The following FUT8 variants were observed in gnomAD, a reference collection of about 807,000 sequenced individuals.
The protein encoded by FUT8 is fucosyltransferase 8.
A neutral mutation model predicts 71.3 loss-of-function variants in FUT8; 29 were observed. The observed-to-expected ratio is 0.41, with a 90% CI of 0.30 to 0.55. The LOEUF (loss-of-function observed/expected upper bound fraction) is 0.55. FUT8 is among the 20% of genes least tolerant of loss of function. The pLI is 0.34. For missense variants in FUT8, 544 were observed against 702.1 expected (o/e 0.77, Z 2.55); for synonymous variants, 254 against 239.3 (o/e 1.06, Z -0.57).
At chr14:65,686,412 A>C (rs1175313593) in intron 7 of FUT8, among the ~76,000 whole-genome samples, 1 of 152,232 alleles carries the variant, frequency 6.6e-6, no homozygotes, top group Non-Finnish European at 1.5e-5. Flanking sequence ...GTATGAAATA[A>C]ATCTCTGCTG....
At chr14:65,496,815 A>C (rs1288496908) in intron 2 of FUT8, among the ~76,000 whole-genome samples, 1 of 151,854 alleles carries the variant, frequency 6.6e-6, no homozygotes, top group Admixed American at 6.6e-5. Context: ...ATGGCTGTGG[A>C]GTGGTTTTGT....
At chr14:65,651,978 T>C (rs544338874) in intron 6 of FUT8, among the ~76,000 whole-genome samples, 37 of 152,146 alleles carry the variant, frequency 2.4e-4, no homozygotes, top group African/African-American at 4.8e-4. Flanking sequence ...AAGAACATAT[T>C]TGAAGAACAG....
At chr14:65,623,108 C>G (rs1381758752) in intron 5 of FUT8, among the ~76,000 whole-genome samples, 1 of 152,018 alleles carries the variant, frequency 6.6e-6, no homozygotes, top group African/African-American at 2.4e-5. Context: ...CCAACTCGGT[C>G]TTGAACTCCT....
At chr14:65,446,762 G>T (rs1269733909) in intron 1 of FUT8, among the ~76,000 whole-genome samples, 3 of 131,138 alleles carry the variant, frequency 2.3e-5, no homozygotes, top group Admixed American at 1.7e-4. Flanking sequence ...TTACATCTTT[G>T]ACCAGTGGGA....
Position 65,707,222 on chromosome 14 carries a change from C to G in FUT8, c.836-14553C>G, listed in dbSNP as rs138223127. Among the ~76,000 whole-genome samples, 764 of 152,238 alleles carry G rather than the reference C, an allele frequency of 5.0e-3. 6 individuals carry two copies. Among genetic ancestry groups the G allele is most frequent in the African/African-American group, 0.018 (730 of 41,546 alleles). On this transcript the variant is annotated intron_variant, in intron 7 of 10. Coordinates refer to ENST00000673929, the MANE Select transcript of FUT8 (RefSeq NM_001371533.1). ...TTCTAACAGGTGTGAGGTGATAACT[C>G]ATTGCAGTTTTAATTTGCATTTCTC...
chr14:65,722,629 G>A (rs1485431787), intron 8 of FUT8, among the ~76,000 whole-genome samples: 1 of 152,122 alleles, frequency 6.6e-6, no homozygotes, highest in East Asian at 1.9e-4. Flanking sequence ...GAAATTCAAT[G>A]GAATCATTCG....
At chr14:65,575,620 T>TTCCTTCCTTCCTTCCG in intron 3 of FUT8, among the ~76,000 whole-genome samples, 1 of 143,112 alleles carries the variant, frequency 7.0e-6, no homozygotes, top group Non-Finnish European at 1.5e-5. Flanking sequence ...CCTTCCTTCC[T>TTCCTTCCTTCCTTCCG]TCCTCTTTTT....
At chr14:65,357,010 G>C in the FUT8 span, among the ~76,000 whole-genome samples, 1 of 152,170 alleles carries the variant, frequency 6.6e-6, no homozygotes, top group Admixed American at 6.5e-5. Context: ...AACCAGAAGG[G>C]AGCTTCTGGG....
At chr14:65,562,182 GA>G (rs766013564) in intron 3 of FUT8, among the ~76,000 whole-genome samples, 29 of 151,918 alleles carry the variant, frequency 1.9e-4, no homozygotes, top group Non-Finnish European at 4.1e-4. Context: ...TTTTAATGTA[GA>G]AAAACTATGC....
At chr14:65,688,900 G>A (rs564889655) in intron 7 of FUT8, among the ~76,000 whole-genome samples, 5 of 152,066 alleles carry the variant, frequency 3.3e-5, no homozygotes, top group South Asian at 2.1e-4. Context: ...CCTTCGCATC[G>A]TGGAGAGAGA....
chr14:65,603,937 A>G lies in FUT8; in HGVS notation c.204-12041A>G, dbSNP rs1327744612. ...GACATTTCATGCAAATGGACACCCA[A>G]AGCGAGCAGGAGTAGCTATTCTTAC... On this transcript the variant is annotated intron_variant, in intron 3 of 10. Coordinates refer to ENST00000673929, the MANE Select transcript of FUT8 (RefSeq NM_001371533.1). The surrounding 1 kb of genome is among the most constrained non-coding windows in gnomAD (Gnocchi z 4.5). Among the ~76,000 whole-genome samples the G allele has an allele frequency of 2.0e-5, 3 of 151,840 alleles. No individual in the cohort carries two copies. Among genetic ancestry groups the G allele is most frequent in the Non-Finnish European group, 4.4e-5 (3 of 67,912 alleles).
chr14:65,441,099 T>A (rs1014667627), intron 1 of FUT8, among the ~76,000 whole-genome samples: 1 of 152,194 alleles, frequency 6.6e-6, no homozygotes, highest in Non-Finnish European at 1.5e-5. Context: ...TTTTAGTAGT[T>A]AATTTCTTAT....
intron 1 of FUT8, among the ~76,000 whole-genome samples, chr14:65,414,921 G>A (rs933119536): frequency 7.2e-5 from 11 of 152,042 alleles, no homozygotes; most frequent in Admixed American, 5.2e-4. Flanking sequence ...TATATTTTGA[G>A]GATATTTTTG....
intron 5 of FUT8, among the ~76,000 whole-genome samples, chr14:65,618,027 AT>A (rs1889383126): frequency 1.3e-5 from 1 of 75,144 alleles, no homozygotes; most frequent in African/African-American, 5.8e-5. Flanking sequence ...ATATATATAT[AT>A]ATATATATAT....
intron 3 of FUT8, among the ~76,000 whole-genome samples, chr14:65,577,785 T>C (rs561849212): frequency 6.6e-6 from 1 of 152,270 alleles, no homozygotes; most frequent in Non-Finnish European, 1.5e-5. Flanking sequence ...ATTCAATAAA[T>C]GTATTTATTG....
At chr14:65,418,889 G>A (rs757083809) in intron 1 of FUT8, among the ~76,000 whole-genome samples, 1 of 152,104 alleles carries the variant, frequency 6.6e-6, no homozygotes, top group Non-Finnish European at 1.5e-5. Context: ...GTAGGCAAGA[G>A]ACTAGAAGAA....
chr14:65,569,805 G>A (rs1295345291), intron 3 of FUT8, among the ~76,000 whole-genome samples: 3 of 151,936 alleles, frequency 2.0e-5, no homozygotes, highest in Non-Finnish European at 4.4e-5. Flanking sequence ...AGGCTACAGA[G>A]GCTTTTCTCT....
chr14:65,729,986 T>C (rs992834146), intron 9 of FUT8, among the ~76,000 whole-genome samples: 1 of 152,228 alleles, frequency 6.6e-6, no homozygotes, highest in Non-Finnish European at 1.5e-5. Context: ...TTTTCTTTAC[T>C]CTTTTACTGA....
chr14:65,690,171 T>C (rs940307837), intron 7 of FUT8, among the ~76,000 whole-genome samples: 2 of 152,226 alleles, frequency 1.3e-5, no homozygotes, highest in African/African-American at 2.4e-5. Flanking sequence ...TTTGCTCCAT[T>C]TTCAGAGATC....
Sources: gnomAD v4.1 joint callset for allele counts (sites outside exome capture counted in the v4.1 genomes callset) on GRCh38, gnomAD v4.1.1 for gene constraint, Gnocchi (gnomAD v3.1) non-coding constraint, MANE v1.5 for transcripts, NCBI Gene and HGNC (gene_info 2026-07-23, HGNC 2026-07-21) for gene names.